The following ZER1 variants were observed in gnomAD, a reference collection of about 807,000 sequenced individuals.
ZER1 encodes the protein protein zer-1 homolog.
A neutral mutation model predicts 78.8 loss-of-function variants in ZER1; 11 were observed. The observed-to-expected ratio is 0.14, with a 90% CI of 0.09 to 0.23. ZER1 has a LOEUF of 0.23. Among genes scored for constraint, ZER1 ranks in the 10% least tolerant of loss-of-function variants. The pLI, the probability that ZER1 is intolerant of heterozygous loss-of-function variation, is 1.00. For synonymous variants in ZER1, 400 were observed against 407.0 expected (o/e 0.98, Z 0.21); for missense variants, 588 against 996.9 (o/e 0.59, Z 5.52).
intron 9 of ZER1, among the ~76,000 whole-genome samples, chr9:128,742,240 C>T (rs932354499): frequency 1.8e-4 from 27 of 152,208 alleles, no homozygotes; most frequent in African/African-American, 4.6e-4. Flanking sequence ...GACACAATGA[C>T]GGAAGGACAG....
chr9:128,751,399 C>A lies in ZER1; in HGVS notation c.1038+14G>T. The A allele has an allele frequency of 1.9e-6, 3 of 1,614,140 alleles. No homozygotes were observed. The highest frequency in any genetic ancestry group is 2.5e-6 in the Non-Finnish European group (3 of 1,179,988). ...GGCTCCCTGGCCCAGACCCATCCCA[C>A]TTCCACTGCTCACTTTGTAGGCTGG... On this transcript the variant is annotated intron_variant, in intron 6 of 15. Transcript: ENST00000291900. The surrounding 1 kb of genome is among the most constrained non-coding windows in gnomAD (Gnocchi z 5.4).
rs201349806 is a variant in ZER1, at chr9:128,750,695, C to T, written c.1280G>A (p.Arg427His). 2 of 1,614,204 alleles carry T rather than the reference C, an allele frequency of 1.2e-6. No homozygotes were observed. Among genetic ancestry groups the T allele is most frequent in the African/African-American group, 1.3e-5 (1 of 75,054 alleles). ...ALFYLTNSEY[R>H]SEQSVKLRRQ... ...GCGCAGCTTCACACTCTGCTCTGAGCGGTACTCGGAATTTGTTAGGTAGAA... is the reference window on the plus strand; with the variant it reads ...GCGCAGCTTCACACTCTGCTCTGAGTGGTACTCGGAATTTGTTAGGTAGAA... The change falls in exon 8 of 16, where the codon CGC becomes CAC. Residue 427 changes from arginine to histidine, a missense_variant. Around this residue, in one of 3 missense-constraint regions of ZER1, gnomAD observed 406 missense variants for 660.1 expected, o/e 0.62. Coordinates refer to ENST00000291900, the MANE Select transcript of ZER1 (RefSeq NM_006336.4).
intron 1 of ZER1, among the ~76,000 whole-genome samples, chr9:128,771,116 G>A (rs530183437): frequency 2.3e-4 from 35 of 152,338 alleles, no homozygotes; most frequent in African/African-American, 8.4e-4. Flanking sequence ...TCCACCCAGA[G>A]AGCTATAGTG....
At position 128,753,877 on chromosome 9, in the gene ZER1, G is replaced by C; in HGVS notation, c.241C>G (p.Arg81Gly). The C allele has an allele frequency of 1.2e-6, 2 of 1,601,588 alleles. No individual in the cohort carries two copies. The highest frequency in any genetic ancestry group is 1.7e-6 in the Non-Finnish European group (2 of 1,174,600). The change falls in exon 3 of 16, where the codon CGC (arginine) becomes GGC (glycine). Residue 81 changes from arginine (R) to glycine (G), a missense_variant. Physicochemically the swap from Arg to Gly is moderately radical, Grantham distance 125. Around this residue, in one of 3 missense-constraint regions of ZER1, gnomAD observed 406 missense variants for 660.1 expected, o/e 0.62. Transcript: ENST00000291900. The surrounding 1 kb of genome is among the most constrained non-coding windows in gnomAD (Gnocchi z 7.5). ...TCACGGAGGTGGATCCGCGTGAGGC[G>C]GGTGCTGCGGGGGTCCGAAAAGAGG... ...FSLFSDPRST[R>G]LTRIHLREDL...
At chr9:128,770,270 T>C (rs1459025874) in intron 1 of ZER1, among the ~76,000 whole-genome samples, 1 of 152,124 alleles carries the variant, frequency 6.6e-6, no homozygotes, top group Non-Finnish European at 1.5e-5. Flanking sequence ...ATTACAGACA[T>C]GAGCCACCAC....
At position 128,731,261 on chromosome 9, in the gene ZER1, C is replaced by A; in HGVS notation, c.*76G>T. 6 of 1,496,774 alleles carry A rather than the reference C, an allele frequency of 4.0e-6. No individual in the cohort carries two copies. The highest frequency in any genetic ancestry group is 5.5e-6 in the Non-Finnish European group (6 of 1,090,694). 92.7% of individuals were successfully genotyped at this position (1,496,774 alleles called of 1,614,324 possible). ...GTGGGAGGCTCCCTCGGAAGGGGCC[C>A]GCCCGCTGGGCTGCTTGAGCATGCT... is the stretch of plus-strand genomic sequence containing the variant. On this transcript the variant is annotated 3_prime_UTR_variant, in exon 16 of 16. Coordinates refer to ENST00000291900, the MANE Select transcript of ZER1 (RefSeq NM_006336.4).
chr9:128,746,906 G>A (rs1564398814), intron 8 of ZER1, among the ~76,000 whole-genome samples: 1 of 152,048 alleles, frequency 6.6e-6, no homozygotes, highest in Non-Finnish European at 1.5e-5. Flanking sequence ...AAAGTGCTGG[G>A]ATTATAGGCA....
chr9:128,759,215 G>A (rs1353443365), intron 1 of ZER1, among the ~76,000 whole-genome samples: 1 of 151,674 alleles, frequency 6.6e-6, no homozygotes, highest in African/African-American at 2.4e-5. Context: ...CTGTCATCTA[G>A]GCTGGGGTGC....
Position 128,751,130 on chromosome 9 carries a change from C to A in ZER1, c.1177G>T (p.Ala393Ser). 2 of 1,592,314 alleles carry A rather than the reference C, an allele frequency of 1.3e-6. No homozygotes were observed. The highest frequency in any genetic ancestry group is 1.7e-6 in the Non-Finnish European group (2 of 1,165,836). The change falls in exon 7 of 16, where the codon GCC (alanine) becomes TCC (serine). Residue 393 changes from alanine to serine, a missense_variant. Physicochemically the swap from Ala to Ser is moderately conservative, Grantham distance 99. Transcript: ENST00000291900. The surrounding 1 kb of genome is among the most constrained non-coding windows in gnomAD (Gnocchi z 5.4). ...RIERCNQLLR[A>S]LKLVITALKC... ...CCAGGCTTGGAGCTGACCTTCAGGGCCCGCAGCAGCTGGTTGCAACGCTCG... is the reference window on the plus strand; with the variant it reads ...CCAGGCTTGGAGCTGACCTTCAGGGACCGCAGCAGCTGGTTGCAACGCTCG...
At chr9:128,748,175 G>A (rs1010912250) in intron 8 of ZER1, among the ~76,000 whole-genome samples, 1 of 152,062 alleles carries the variant, frequency 6.6e-6, no homozygotes, top group Non-Finnish European at 1.5e-5. Context: ...GGAGGCCGAC[G>A]CAGGCGGATC....
Position 128,753,901 on chromosome 9 carries a change from G to A in ZER1, c.217C>T (p.Leu73Phe), listed in dbSNP as rs201017950. The A allele has an allele frequency of 7.3e-5, 117 of 1,598,912 alleles. No individual in the cohort carries two copies. Among genetic ancestry groups the A allele is most frequent in the Admixed American group, 2.6e-4 (15 of 57,402 alleles). ...CGGGTGCTGCGGGGGTCCGAAAAGA[G>A]GCTGAAGAAGCTCTCGTGTGGCTCG... Reference protein sequence around the residue: ...NFEPHESFFSLFSDPRSTRLT... With the variant: ...NFEPHESFFSFFSDPRSTRLT... Residue 73 changes from leucine to phenylalanine, a missense_variant, in exon 3 of 16, where the codon CTC (leucine) becomes TTC (phenylalanine). Physicochemically the swap from Leu to Phe is conservative, Grantham distance 22. Around this residue, in one of 3 missense-constraint regions of ZER1, gnomAD observed 406 missense variants for 660.1 expected, o/e 0.62. Coordinates refer to ENST00000291900, the MANE Select transcript of ZER1 (RefSeq NM_006336.4). This position sits in a 1 kb window ranked among gnomAD's most constrained non-coding sequence, Gnocchi z 7.5.
rs749100106 is a variant in ZER1 at position 128,770,123 on chromosome 9, GTTTC to G, written c.-95+1454_-95+1457del. Among the ~76,000 whole-genome samples the G allele has an allele frequency of 6.6e-5, 10 of 151,758 alleles. No individual in the cohort carries two copies. The East Asian group carries it at 1.2e-3, about 18-fold the overall frequency. ...TGCTCCAGTCCCCCATCCTCCCACT[GTTTC>G]TTTCTTTTTTTTGAGACAGAGTCTC... On this transcript the variant is annotated intron_variant, in intron 1 of 15. Coordinates refer to ENST00000291900, the MANE Select transcript of ZER1 (RefSeq NM_006336.4).
At chr9:128,744,386 G>T (rs1389904742) in intron 8 of ZER1, among the ~76,000 whole-genome samples, 5 of 151,126 alleles carry the variant, frequency 3.3e-5, no homozygotes, top group African/African-American at 9.8e-5. Context: ...TAGAGACAGG[G>T]TTTTACCATG....
chr9:128,766,525 G>C (rs2132490618), intron 1 of ZER1, among the ~76,000 whole-genome samples: 1 of 152,134 alleles, frequency 6.6e-6, no homozygotes, highest in South Asian at 2.1e-4. Flanking sequence ...AGACAGATAT[G>C]TACACAGGTA....
At chr9:128,745,685 C>T (rs1315058537) in intron 8 of ZER1, among the ~76,000 whole-genome samples, 1 of 151,874 alleles carries the variant, frequency 6.6e-6, no homozygotes, top group Non-Finnish European at 1.5e-5. Flanking sequence ...CGCGGTCTCT[C>T]TGTTGCCCAG....
chr9:128,736,601 C>G (rs1863090901), intron 13 of ZER1, among the ~76,000 whole-genome samples: 1 of 147,308 alleles, frequency 6.8e-6, no homozygotes, highest in African/African-American at 2.5e-5. Flanking sequence ...CCAGGCTGGT[C>G]TTGAACTCCT....
chr9:128,738,431 G>T (rs191792879), intron 13 of ZER1, among the ~76,000 whole-genome samples: 2 of 149,838 alleles, frequency 1.3e-5, no homozygotes, highest in Non-Finnish European at 3.0e-5. Context: ...TGTCGCCCAG[G>T]CTGGAGTGCA....
In ZER1 at chr9:128,764,958, C is replaced by T. The variant is rs58452740; in HGVS notation, c.-95+6623G>A. Among the ~76,000 whole-genome samples, 16 of 152,090 alleles carry T rather than the reference C, an allele frequency of 1.1e-4. No homozygotes were observed. In the East Asian group the frequency reaches 1.9e-3, roughly 18 times the overall value. On this transcript the variant is annotated intron_variant, in intron 1 of 15. Transcript: ENST00000291900. ...GGAGAGAAGAGAGAGAAAAACAGCACCAGCAGCAGCAGCAGCAGAAGGCAC... is the reference window on the plus strand; with the variant it reads ...GGAGAGAAGAGAGAGAAAAACAGCATCAGCAGCAGCAGCAGCAGAAGGCAC...
At chr9:128,764,733 T>G (rs574480519) in intron 1 of ZER1, among the ~76,000 whole-genome samples, 2 of 152,290 alleles carry the variant, frequency 1.3e-5, no homozygotes, top group East Asian at 1.9e-4. Context: ...CCACTCTACC[T>G]ACTCCATTCC....
Sources: allele counts gnomAD v4.1 joint callset (sites outside exome capture counted in the v4.1 genomes callset), GRCh38; gene constraint gnomAD v4.1.1; regional missense constraint gnomAD v4.1.1; non-coding constraint Gnocchi (gnomAD v3.1); transcripts MANE v1.5; gene names NCBI Gene and HGNC (gene_info 2026-07-23, HGNC 2026-07-21).